Variants in PHACTR1 observed in about 807,000 individuals in gnomAD.
PHACTR1 encodes RPEL repeat containing 1.
PHACTR1 carries 16 observed loss-of-function variants against 69.2 expected under a neutral mutation model. The ratio of observed to expected loss-of-function variants is 0.23; its 90% CI spans 0.16 to 0.35. The LOEUF (loss-of-function observed/expected upper bound fraction) is 0.35, where lower values mean the gene tolerates loss of function less well. Ranked by LOEUF, PHACTR1 falls within the 10% of genes least tolerant of loss-of-function variation. PHACTR1 has a pLI of 1.00. For synonymous variants in PHACTR1, 312 were observed against 284.5 expected (o/e 1.10, Z -0.97); for missense variants, 510 against 734.7 (o/e 0.69, Z 3.54).
At chr6:13,198,112 TAAAC>T (rs774317599) in intron 7 of PHACTR1, among the ~76,000 whole-genome samples, 42 of 152,354 alleles carry the variant, frequency 2.8e-4, no homozygotes, top group Admixed American at 1.8e-3. Context: ...GATGAAAAGA[TAAAC>T]AAACGTTTAT....
At chr6:13,037,980 C>A (rs1803567931) in intron 4 of PHACTR1, among the ~76,000 whole-genome samples, 1 of 152,176 alleles carries the variant, frequency 6.6e-6, no homozygotes. Flanking sequence ...ACATCACTGG[C>A]ATTGCCATTA....
chr6:13,048,479 G>A (rs957328966), intron 4 of PHACTR1, among the ~76,000 whole-genome samples: 1 of 151,262 alleles, frequency 6.6e-6, no homozygotes, highest in South Asian at 2.1e-4. Flanking sequence ...CCTGCAATGG[G>A]AGACCACTTT....
At chr6:12,937,614 G>C (rs1292013551) in intron 4 of PHACTR1, among the ~76,000 whole-genome samples, 1 of 152,122 alleles carries the variant, frequency 6.6e-6, no homozygotes, top group African/African-American at 2.4e-5. Context: ...TATGAAGAAA[G>C]ATAAAACAGG....
At chr6:12,892,429 T>TA (rs1308140727) in intron 4 of PHACTR1, among the ~76,000 whole-genome samples, 12 of 152,206 alleles carry the variant, frequency 7.9e-5, no homozygotes, top group Non-Finnish European at 1.6e-4. Context: ...GAGCTGCATC[T>TA]GGGTCTGTCA....
chr6:13,049,386 G>A (rs1343315189), intron 4 of PHACTR1, among the ~76,000 whole-genome samples: 1 of 152,172 alleles, frequency 6.6e-6, no homozygotes, highest in Admixed American at 6.5e-5. Context: ...AGCAAACTCA[G>A]TATCAACCCT....
chr6:12,866,921 G>A (rs2127434085), intron 4 of PHACTR1, among the ~76,000 whole-genome samples: 1 of 152,118 alleles, frequency 6.6e-6, no homozygotes, highest in African/African-American at 2.4e-5. Context: ...TGGATTTCAG[G>A]GCTACAATGC....
chr6:12,829,226 G>A (rs550615354), intron 4 of PHACTR1, among the ~76,000 whole-genome samples: 8 of 152,298 alleles, frequency 5.3e-5, no homozygotes, highest in Non-Finnish European at 1.0e-4. Flanking sequence ...CCTGATCACA[G>A]TGCACACGAG....
intron 4 of PHACTR1, among the ~76,000 whole-genome samples, chr6:12,805,485 T>TG (rs1375930706): frequency 3.3e-5 from 5 of 152,206 alleles, no homozygotes; most frequent in Non-Finnish European, 7.3e-5. Flanking sequence ...CTTCCATCTC[T>TG]GACGTCTGCC....
chr6:13,179,162 G>A lies in PHACTR1; in HGVS notation c.497-3357G>A, dbSNP rs9381807. On this transcript the variant is annotated intron_variant, in intron 6 of 14. Coordinates refer to ENST00000332995, the MANE Select transcript of PHACTR1 (RefSeq NM_030948.6). The surrounding 1 kb of genome is among the most constrained non-coding windows in gnomAD (Gnocchi z 4.2). ...GAGGTGAGAGTATCACTTGAGCCTG[G>A]GAGATGGAAGCTGCAGTGAGCCATG... 0.22 allele frequency among the ~76,000 whole-genome samples: 33,694 copies of A among 151,992 alleles called. 4,749 individuals carry two copies. Among genetic ancestry groups the A allele is most frequent in the East Asian group, 0.44 (2,262 of 5,138 alleles).
At chr6:12,733,281 G>C (rs1252049582) in intron 3 of PHACTR1, among the ~76,000 whole-genome samples, 2 of 152,162 alleles carry the variant, frequency 1.3e-5, no homozygotes, top group African/African-American at 4.8e-5. Flanking sequence ...GTAAAACTGA[G>C]GCTTAGGGAA....
chr6:13,064,442 C>T lies in PHACTR1; in HGVS notation c.415+10913C>T, dbSNP rs368042313. Among the ~76,000 whole-genome samples the T allele has an allele frequency of 1.4e-3, 210 of 150,336 alleles. 1 individual carries two copies. The Middle Eastern group carries it at 0.024, about 17-fold the overall frequency. On this transcript the variant is annotated intron_variant, in intron 5 of 14. Coordinates refer to ENST00000332995, the MANE Select transcript of PHACTR1 (RefSeq NM_030948.6). ...CTTTAAGGGTAAACAAGCTTTATCC[C>T]ACGTAAATGGCAATGCAGATATAAT...
intron 4 of PHACTR1, among the ~76,000 whole-genome samples, chr6:12,755,900 A>G (rs1345096970): frequency 6.6e-6 from 1 of 152,178 alleles, no homozygotes; most frequent in Admixed American, 6.5e-5. Context: ...TACAAAACAA[A>G]ATATCTCTTT....
chr6:13,165,642 GA>G (rs1759687195), intron 6 of PHACTR1, among the ~76,000 whole-genome samples: 1 of 152,172 alleles, frequency 6.6e-6, no homozygotes, highest in Admixed American at 6.6e-5. Context: ...AGCGAAGGGG[GA>G]GGGGGTTGTG....
intron 4 of PHACTR1, among the ~76,000 whole-genome samples, chr6:13,013,731 C>T (rs1799726846): frequency 6.6e-6 from 1 of 150,820 alleles, no homozygotes; most frequent in African/African-American, 2.4e-5. Flanking sequence ...GAGGTCAAGA[C>T]CCTTTCGGCG....
At chr6:12,935,045 T>C (rs1789285276) in intron 4 of PHACTR1, among the ~76,000 whole-genome samples, 1 of 152,114 alleles carries the variant, frequency 6.6e-6, no homozygotes, top group Non-Finnish European at 1.5e-5. Flanking sequence ...TGTGGCACTT[T>C]CTTCATATGG....
Position 13,283,567 on chromosome 6 carries a change from G to C in PHACTR1, c.1650+5G>C. 6.2e-7 allele frequency: 1 copy of C among 1,613,806 alleles called. No individual in the cohort carries two copies. The highest frequency in any genetic ancestry group is 8.5e-7 in the Non-Finnish European group (1 of 1,179,870). On this transcript the variant is annotated splice_donor_5th_base_variant and intron_variant, in intron 13 of 14. Transcript: ENST00000332995. The surrounding 1 kb of genome is among the most constrained non-coding windows in gnomAD (Gnocchi z 4.7). ...CGCCTCACCGCTGCAGACAAAGTAA[G>C]CAGAGGGGAGTGCTGGAGAGTGGGA...
intron 4 of PHACTR1, among the ~76,000 whole-genome samples, chr6:13,017,185 CAAAA>C (rs5874397): frequency 1.3e-5 from 1 of 77,226 alleles, no homozygotes. Flanking sequence ...GACTCTGTCT[CAAAA>C]AAAAAAAAAA....
In PHACTR1 at chr6:12,829,953, G is replaced by A. The variant is rs539102610; in HGVS notation, c.250+80163G>A. ...AGTCTGGGAAACAGAGCAAGACTCCGTCAAGAAAGAAAGAGAGAGAGAGAG... is the reference window on the plus strand; with the variant it reads ...AGTCTGGGAAACAGAGCAAGACTCCATCAAGAAAGAAAGAGAGAGAGAGAG... On this transcript the variant is annotated intron_variant, in intron 4 of 14. Coordinates refer to ENST00000332995, the MANE Select transcript of PHACTR1 (RefSeq NM_030948.6). 1.7e-4 allele frequency among the ~76,000 whole-genome samples: 16 copies of A among 96,080 alleles called. No homozygotes were observed. In the South Asian group the frequency reaches 3.1e-3, roughly 19 times the overall value. The allele number at this position is 96,080 out of a possible 152,430, so 63.0% of individuals were successfully genotyped here. A position where few individuals can be genotyped will look rare whatever the true frequency, so the allele number is the denominator to read the frequency against.
intron 13 of PHACTR1, 129 bp from the exon 14 acceptor site, chr6:13,286,017 T>G: frequency 1.4e-6 from 1 of 721,406 alleles, no homozygotes; most frequent in Non-Finnish European, 2.2e-6. Context: ...TTCCTCCCAA[T>G]GAAAGAATCC....
Sources: allele counts gnomAD v4.1 joint callset (sites outside exome capture counted in the v4.1 genomes callset), GRCh38; gene constraint gnomAD v4.1.1; non-coding constraint Gnocchi (gnomAD v3.1); transcripts MANE v1.5; gene names NCBI Gene and HGNC (gene_info 2026-07-23, HGNC 2026-07-21).